The following MACROD2 variants were observed in gnomAD, a reference collection of about 807,000 sequenced individuals.
MACROD2 encodes mono-ADP ribosylhydrolase 2, also known as ADP-ribose glycohydrolase MACROD2.
In MACROD2, 36 loss-of-function variants were observed where a neutral mutation model predicts 70.4. The observed-to-expected ratio is 0.51, with a 90% CI of 0.39 to 0.68. The LOEUF (loss-of-function observed/expected upper bound fraction) is 0.68, where lower values mean the gene tolerates loss of function less well. MACROD2 is among the 30% of genes least tolerant of loss of function. The pLI, the probability that MACROD2 is intolerant of heterozygous loss-of-function variation, is 0.00. For synonymous variants in MACROD2, 172 were observed against 178.8 expected (o/e 0.96, Z 0.30); for missense variants, 496 against 538.4 (o/e 0.92, Z 0.78).
intron 5 of MACROD2, among the ~76,000 whole-genome samples, chr20:14,710,202 A>C (rs544157286): frequency 6.6e-6 from 1 of 152,254 alleles, no homozygotes; most frequent in Admixed American, 6.5e-5. Context: ...CAAAGCAGAG[A>C]TTTCAGTTAT....
At chr20:15,324,969 G>A (rs1011085124) in intron 6 of MACROD2, among the ~76,000 whole-genome samples, 1 of 150,140 alleles carries the variant, frequency 6.7e-6, no homozygotes, top group Admixed American at 6.7e-5. Flanking sequence ...CTATGTAAAA[G>A]GGCATTCATA....
chr20:14,678,162 C>A (rs192869085), intron 4 of MACROD2, among the ~76,000 whole-genome samples: 1 of 152,250 alleles, frequency 6.6e-6, no homozygotes, highest in Admixed American at 6.5e-5. Context: ...TCATTGGTGT[C>A]CTGCCTGAGC....
intron 10 of MACROD2, among the ~76,000 whole-genome samples, chr20:15,887,207 G>A (rs766221028): frequency 2.0e-5 from 3 of 151,930 alleles, no homozygotes; most frequent in African/African-American, 4.8e-5. Flanking sequence ...CTCCCTCCCC[G>A]GACTGCCCAC....
intron 7 of MACROD2, among the ~76,000 whole-genome samples, chr20:15,457,969 AG>A (rs199676586): frequency 4.4e-4 from 66 of 151,252 alleles, no homozygotes; most frequent in African/African-American, 7.0e-4. Flanking sequence ...AAAAGAAAAA[AG>A]AAAAACAAGT....
chr20:15,462,817 G>A (rs2046836300), intron 7 of MACROD2, among the ~76,000 whole-genome samples: 1 of 152,088 alleles, frequency 6.6e-6, no homozygotes, highest in Non-Finnish European at 1.5e-5. Flanking sequence ...ATTGCCACTT[G>A]GACAAGTTTC....
chr20:15,766,034 AGAT>A (rs773779761), intron 8 of MACROD2, among the ~76,000 whole-genome samples: 2 of 152,230 alleles, frequency 1.3e-5, no homozygotes, highest in Non-Finnish European at 2.9e-5. Context: ...CTCCATCTGA[AGAT>A]GATGATGGAA....
chr20:14,393,846 A>T (rs891257418), intron 3 of MACROD2, among the ~76,000 whole-genome samples: 1 of 152,166 alleles, frequency 6.6e-6, no homozygotes, highest in Non-Finnish European at 1.5e-5. Context: ...GGTTAAGATG[A>T]TGTCATGCGG....
At chr20:15,820,030 A>G (rs2063922269) in intron 8 of MACROD2, among the ~76,000 whole-genome samples, 1 of 152,202 alleles carries the variant, frequency 6.6e-6, no homozygotes, top group African/African-American at 2.4e-5. Flanking sequence ...CAAATCTTAA[A>G]TATACACAAT....
At chr20:14,037,252 T>A (rs2257894) in intron 2 of MACROD2, among the ~76,000 whole-genome samples, 32,025 of 152,158 alleles carry the variant, frequency 0.21, 3,838 homozygotes, top group African/African-American at 0.33. Context: ...TTTGTAGAAT[T>A]TACTAGTTTT....
Position 15,481,669 on chromosome 20 carries a change from C to T in MACROD2, c.572-18105C>T, listed in dbSNP as rs558136987. Among the ~76,000 whole-genome samples the T allele has an allele frequency of 3.3e-5, 5 of 150,766 alleles. No individual in the cohort carries two copies. In the South Asian group the frequency reaches 1.0e-3, roughly 32 times the overall value. Reference sequence around the variant, plus strand: ...CATGCTTTCGTTGTATAGCTAAAGTCATAGAAAATAAACATTAAAAAAAAA... The same window carrying T: ...CATGCTTTCGTTGTATAGCTAAAGTTATAGAAAATAAACATTAAAAAAAAA... On this transcript the variant is annotated intron_variant, in intron 7 of 17. Coordinates refer to ENST00000684519, the MANE Select transcript of MACROD2 (RefSeq NM_001351661.2).
At chr20:14,191,822 G>A (rs2081390438) in intron 3 of MACROD2, among the ~76,000 whole-genome samples, 1 of 152,152 alleles carries the variant, frequency 6.6e-6, no homozygotes, top group Non-Finnish European at 1.5e-5. Context: ...GAGAGATGAG[G>A]CAGAAAGAAC....
chr20:14,274,674 G>C (rs1310884954), intron 3 of MACROD2, among the ~76,000 whole-genome samples: 1 of 152,104 alleles, frequency 6.6e-6, no homozygotes, highest in African/African-American at 2.4e-5. Flanking sequence ...AGGAAATAAA[G>C]TGTATTCAAT....
At chr20:15,861,632 G>C (rs557271553) in intron 8 of MACROD2, among the ~76,000 whole-genome samples, 1 of 152,276 alleles carries the variant, frequency 6.6e-6, no homozygotes, top group South Asian at 2.1e-4. Context: ...GGCTTGGGCA[G>C]AGACTAAGGA....
intron 5 of MACROD2, among the ~76,000 whole-genome samples, chr20:14,948,586 C>T (rs1324237417): frequency 6.6e-6 from 1 of 152,186 alleles, no homozygotes; most frequent in Admixed American, 6.5e-5. Flanking sequence ...ACAGACCCAT[C>T]TGTCTTCTGG....
At chr20:15,039,762 T>C (rs1274411022) in intron 5 of MACROD2, among the ~76,000 whole-genome samples, 1 of 152,190 alleles carries the variant, frequency 6.6e-6, no homozygotes, top group African/African-American at 2.4e-5. Flanking sequence ...CAGATACTTT[T>C]AGAGACAGCA....
At chr20:14,444,240 A>G (rs964508008) in intron 3 of MACROD2, among the ~76,000 whole-genome samples, 7 of 152,098 alleles carry the variant, frequency 4.6e-5, no homozygotes, top group Non-Finnish European at 8.8e-5. Context: ...GTCAGGGAGA[A>G]TTATAAAATG....
chr20:14,256,633 A>T (rs2082058787), intron 3 of MACROD2, among the ~76,000 whole-genome samples: 1 of 152,120 alleles, frequency 6.6e-6, no homozygotes, highest in Non-Finnish European at 1.5e-5. Context: ...TTGAGATGCT[A>T]GCCTATTTAA....
chr20:14,571,182 C>G (rs532447441), intron 4 of MACROD2, among the ~76,000 whole-genome samples: 2 of 152,180 alleles, frequency 1.3e-5, no homozygotes, highest in African/African-American at 4.8e-5. Context: ...AAAGAATGTA[C>G]TAGACAAACA....
At chr20:14,624,223 C>T (rs1984001315) in intron 4 of MACROD2, among the ~76,000 whole-genome samples, 1 of 152,098 alleles carries the variant, frequency 6.6e-6, no homozygotes, top group Non-Finnish European at 1.5e-5. Flanking sequence ...ACAGCCTCTC[C>T]AAAGTAAAGG....
Sources: gnomAD v4.1 joint callset for allele counts (sites outside exome capture counted in the v4.1 genomes callset) on GRCh38, gnomAD v4.1.1 for gene constraint, MANE v1.5 for transcripts, NCBI Gene and HGNC (gene_info 2026-07-23, HGNC 2026-07-21) for gene names.